KCNQ4: variants seen among roughly 807,000 people sequenced by gnomAD.
The protein encoded by KCNQ4 is potassium voltage-gated channel subfamily KQT member 4.
In KCNQ4, 31 loss-of-function variants were observed where a neutral mutation model predicts 72.6. The observed-to-expected ratio is 0.43, with a 90% CI of 0.32 to 0.58. The LOEUF (loss-of-function observed/expected upper bound fraction) is 0.58, where lower values mean the gene tolerates loss of function less well. Ranked by LOEUF, KCNQ4 falls within the 20% of genes least tolerant of loss-of-function variation. KCNQ4 has a pLI of 0.08. For missense variants in KCNQ4, 869 were observed against 962.6 expected (o/e 0.90, Z 1.29); for synonymous variants, 405 against 403.7 (o/e 1.00, Z -0.04).
rs1648123515 is a variant in KCNQ4, at chr1:40,817,322, C to G, written c.372C>G (p.His124Gln). ...CTGTGCTGTCCACTATCCAGGAGCA[C>G]CAGGAACTTGCCAACGAGTGTCTCC... ...VLSVLSTIQE[H>Q]QELANECLLI... The change falls in exon 2 of 14, where the codon CAC becomes CAG. Residue 124 changes from histidine (H) to glutamine (Q), a missense_variant. Physicochemically the swap from His to Gln is conservative, Grantham distance 24. Around this residue, in one of 5 missense-constraint regions of KCNQ4, gnomAD observed 179 missense variants for 243.0 expected, o/e 0.74. Transcript: ENST00000347132. This position sits in a 1 kb window ranked among gnomAD's most constrained non-coding sequence, Gnocchi z 5.5. 6.2e-7 allele frequency: 1 copy of G among 1,614,016 alleles called. No homozygotes were observed. The highest frequency in any genetic ancestry group is 1.6e-4 in the Middle Eastern group (1 of 6,062).
At chr1:40,791,379 C>T (rs958739267) in intron 1 of KCNQ4, among the ~76,000 whole-genome samples, 1 of 152,130 alleles carries the variant, frequency 6.6e-6, no homozygotes, top group Non-Finnish European at 1.5e-5. Flanking sequence ...GACAGGGTGC[C>T]ACTTCACAGG....
At position 40,819,460 on chromosome 1, in the gene KCNQ4, C is replaced by G. The variant is rs1158481632; in HGVS notation, c.822C>G (p.Leu274=). 1.2e-6 allele frequency: 2 copies of G among 1,613,728 alleles called. No homozygotes were observed. Among genetic ancestry groups the G allele is most frequent in the African/African-American group, 1.3e-5 (1 of 74,864 alleles). ...ACTTCTCCTCCTACGCCGACTCGCT[C>G]TGGTGGGGGACGGTGCGTGAGGGTC... ...NSDFSSYADS[L]WWGTITLTTI... Residue 274 remains leucine (L), a synonymous_variant, in exon 5 of 14, where the codon CTC becomes CTG. Transcript: ENST00000347132.
At chr1:40,828,496 T>C (rs555605912) in intron 9 of KCNQ4, among the ~76,000 whole-genome samples, 2 of 152,314 alleles carry the variant, frequency 1.3e-5, no homozygotes, top group African/African-American at 4.8e-5. Context: ...CTCTACACCC[T>C]ATCCTGATTG....
At chr1:40,822,200 T>A in intron 7 of KCNQ4, 114 bp from the exon 8 acceptor site, 1 of 878,154 alleles carries the variant, frequency 1.1e-6, no homozygotes, top group South Asian at 1.4e-5. Flanking sequence ...AACTGGCCTC[T>A]GGCTCTGGGT....
chr1:40,791,676 G>C (rs1282843206), intron 1 of KCNQ4, among the ~76,000 whole-genome samples: 1 of 152,192 alleles, frequency 6.6e-6, no homozygotes. Context: ...ACAGTGGATA[G>C]AGCAGGGTCT....
intron 1 of KCNQ4, among the ~76,000 whole-genome samples, chr1:40,805,307 A>G (rs1175202397): frequency 6.6e-6 from 1 of 152,024 alleles, no homozygotes; most frequent in Non-Finnish European, 1.5e-5. Context: ...TTTTAAACAT[A>G]AGGAAGATTG....
At chr1:40,802,322 C>G (rs933286860) in intron 1 of KCNQ4, among the ~76,000 whole-genome samples, 7 of 152,060 alleles carry the variant, frequency 4.6e-5, no homozygotes, top group Non-Finnish European at 1.0e-4. Flanking sequence ...CACCTTCACA[C>G]TTTCCGCTTG....
chr1:40,829,231 G>T (rs1041034363), intron 9 of KCNQ4, among the ~76,000 whole-genome samples: 1 of 152,228 alleles, frequency 6.6e-6, no homozygotes, highest in African/African-American at 2.4e-5. Flanking sequence ...AGAAGGGGTT[G>T]CACGGACCGG....
Position 40,824,144 on chromosome 1 carries a change from G to A in KCNQ4, c.1178G>A (p.Gly393Asp). The A allele has an allele frequency of 6.4e-7, 1 of 1,565,806 alleles. No individual in the cohort carries two copies. Among genetic ancestry groups the A allele is most frequent in the South Asian group, 1.2e-5 (1 of 85,248 alleles). The change falls in exon 9 of 14, where the codon GGC becomes GAC. Residue 393 changes from glycine to aspartate, a missense_variant. Physicochemically the swap from Gly to Asp is moderately conservative, Grantham distance 94. Transcript: ENST00000347132. ...FEHVQRARNG[G>D]LRPLEVRRAP... ...CACGTGCAACGGGCCCGCAATGGGGGCCTACGGCCCCTGGAGGTGCGGCGG... is the reference window on the plus strand; with the variant it reads ...CACGTGCAACGGGCCCGCAATGGGGACCTACGGCCCCTGGAGGTGCGGCGG...
At position 40,817,960 on chromosome 1, in the gene KCNQ4, G is replaced by A. The variant is rs1240733872; in HGVS notation, c.406-204G>A. On this transcript the variant is annotated intron_variant, in intron 2 of 13. Coordinates refer to ENST00000347132, the MANE Select transcript of KCNQ4 (RefSeq NM_004700.4). This position sits in a 1 kb window ranked among gnomAD's most constrained non-coding sequence, Gnocchi z 5.5. ...TCAGTTCATGGGGACCGGAAGGGGAGGACACACTAGGGCTTTTAGTCTTCT... is the reference window on the plus strand; with the variant it reads ...TCAGTTCATGGGGACCGGAAGGGGAAGACACACTAGGGCTTTTAGTCTTCT... Among the ~76,000 whole-genome samples, 1 of 152,158 alleles carries A rather than the reference G, an allele frequency of 6.6e-6. No homozygotes were observed. Among genetic ancestry groups the A allele is most frequent in the Admixed American group, 6.5e-5 (1 of 15,278 alleles).
At chr1:40,813,574 G>A (rs1647991340) in intron 1 of KCNQ4, among the ~76,000 whole-genome samples, 1 of 152,108 alleles carries the variant, frequency 6.6e-6, no homozygotes, top group South Asian at 2.1e-4. Context: ...GTTTGGAGGT[G>A]TTGGGTTTGA....
chr1:40,838,387 G>T lies in KCNQ4; in HGVS notation c.1952G>T (p.Ser651Ile). 6.2e-7 allele frequency: 1 copy of T among 1,614,058 alleles called. No homozygotes were observed. Among genetic ancestry groups the T allele is most frequent in the Non-Finnish European group, 8.5e-7 (1 of 1,179,962 alleles). The change falls in exon 14 of 14, where the codon AGC becomes ATC. Residue 651 changes from serine (S) to isoleucine (I), a missense_variant. Ser to Ile is a moderately radical substitution (Grantham distance 142, BLOSUM62 -2). Around this residue, in one of 5 missense-constraint regions of KCNQ4, gnomAD observed 480 missense variants for 501.9 expected, o/e 0.96. Coordinates refer to ENST00000347132, the MANE Select transcript of KCNQ4 (RefSeq NM_004700.4). ...TGCCTGCGCTCTGGCACCTCGGCCA[G>T]CCTGGGCGCCGTGCAAGTGCCGCTG... The part of the protein sequence containing the change: ...SRCLRSGTSA[S>I]LGAVQVPLFD...
chr1:40,838,571 C>A lies in KCNQ4; in HGVS notation c.*48C>A, dbSNP rs1218641560. ...GCACACGGCCAGCCCCGCGGCCTGG[C>A]GCTCCGACTGCCCTCTGAGGCCTCC... On this transcript the variant is annotated 3_prime_UTR_variant, in exon 14 of 14. Coordinates refer to ENST00000347132, the MANE Select transcript of KCNQ4 (RefSeq NM_004700.4). The A allele has an allele frequency of 7.7e-6, 12 of 1,557,178 alleles. No individual in the cohort carries two copies. The highest frequency in any genetic ancestry group is 1.1e-5 in the Non-Finnish European group (12 of 1,128,808).
At position 40,818,220 on chromosome 1, in the gene KCNQ4, C is replaced by G; in HGVS notation, c.462C>G (p.Ala154=). 1.2e-6 allele frequency: 2 copies of G among 1,613,854 alleles called. No individual in the cohort carries two copies. Among genetic ancestry groups the G allele is most frequent in the Non-Finnish European group, 1.7e-6 (2 of 1,180,024 alleles). Residue 154 remains alanine (A), a synonymous_variant, in exon 3 of 14, where the codon GCC becomes GCG. Transcript: ENST00000347132. ...GLEYIVRVWS[A]GCCCRYRGWQ... ...AGTACATCGTCCGGGTCTGGTCCGC[C>G]GGATGCTGCTGCCGCTACCGAGGAT...
chr1:40,791,837 A>G (rs1310059191), intron 1 of KCNQ4, among the ~76,000 whole-genome samples: 1 of 152,220 alleles, frequency 6.6e-6, no homozygotes, highest in East Asian at 1.9e-4. Context: ...GTCAGACAGC[A>G]GGAAGGACTG....
At chr1:40,832,977 C>T (rs914912069) in intron 10 of KCNQ4, 37 bp from the exon 11 acceptor site, 1 of 1,503,124 alleles carries the variant, frequency 6.7e-7, no homozygotes, top group Non-Finnish European at 9.3e-7. Context: ...GGAGTGGCCC[C>T]TTTGGTGGGC....
intron 1 of KCNQ4, among the ~76,000 whole-genome samples, chr1:40,791,618 C>T (rs1278868668): frequency 2.0e-5 from 3 of 152,160 alleles, no homozygotes; most frequent in Non-Finnish European, 2.9e-5. Flanking sequence ...AGGGAGGCAA[C>T]AGGAGCTCAG....
rs1647179987 is a variant in KCNQ4 at position 40,784,090 on chromosome 1, G to T, written c.-4G>T. ...GCCCCGGCGCCCCCAGCCCGGCGCC[G>T]CCCATGGCCGAGGCCCCCCCGCGCC... is the stretch of plus-strand genomic sequence containing the variant. On this transcript the variant is annotated 5_prime_UTR_variant, in exon 1 of 14. Transcript: ENST00000347132. The surrounding 1 kb of genome is among the most constrained non-coding windows in gnomAD (Gnocchi z 4.1). 1 of 406,602 alleles carries T rather than the reference G, an allele frequency of 2.5e-6. No individual in the cohort carries two copies. Among genetic ancestry groups the T allele is most frequent in the South Asian group, 9.3e-5 (1 of 10,800 alleles). 25.2% of individuals were successfully genotyped at this position (406,602 alleles called of 1,614,324 possible).
intron 13 of KCNQ4, 146 bp from the exon 14 acceptor site, chr1:40,838,165 G>A: frequency 1.3e-6 from 1 of 763,348 alleles, no homozygotes; most frequent in Non-Finnish European, 2.2e-6. Context: ...CTCTAGCCAA[G>A]CTCCACCTTT....
Sources: gnomAD v4.1 joint callset for allele counts (sites outside exome capture counted in the v4.1 genomes callset) on GRCh38, gnomAD v4.1.1 for gene constraint, gnomAD v4.1.1 regional missense constraint, Gnocchi (gnomAD v3.1) non-coding constraint, MANE v1.5 for transcripts, NCBI Gene and HGNC (gene_info 2026-07-23, HGNC 2026-07-21) for gene names.